The following JAM3 variants were observed in gnomAD, a reference collection of about 807,000 sequenced individuals.
JAM3 encodes the protein junctional adhesion molecule 3.
A neutral mutation model predicts 39.4 loss-of-function variants in JAM3; 31 were observed. That is an observed-to-expected ratio of 0.79 (90% CI 0.59 to 1.06). The LOEUF (loss-of-function observed/expected upper bound fraction) is 1.06, where lower values mean the gene tolerates loss of function less well. JAM3 is among the 50% of genes least tolerant of loss of function. The pLI is 0.00. For synonymous variants in JAM3, 182 were observed against 148.7 expected (o/e 1.22, Z -1.63); for missense variants, 455 against 391.4 (o/e 1.16, Z -1.37).
At chr11:134,136,510 C>A (rs893079052) in intron 1 of JAM3, among the ~76,000 whole-genome samples, 1 of 152,164 alleles carries the variant, frequency 6.6e-6, no homozygotes, top group Non-Finnish European at 1.5e-5. Context: ...AAGAAAGGAG[C>A]TCTAGAGTAT....
At position 134,146,044 on chromosome 11, in the gene JAM3, C is replaced by A; in HGVS notation, c.711C>A (p.Val237=). ...SARCEEQEME[V]YDLNIGGIIG... is the part of the protein sequence containing the mutation. ...GGTGTGAGGAGCAGGAGATGGAAGT[C>A]TGTGAGTTTCTTTTTTGAAGAGGTT... The change falls in exon 6 of 9, where the codon GTC becomes GTA. Residue 237 remains valine (V), a splice_region_variant and synonymous_variant. Coordinates refer to ENST00000299106, the MANE Select transcript of JAM3 (RefSeq NM_032801.5). 6.2e-7 allele frequency: 1 copy of A among 1,607,642 alleles called. No homozygotes were observed. Among genetic ancestry groups the A allele is most frequent in the Non-Finnish European group, 8.5e-7 (1 of 1,174,022 alleles).
chr11:134,131,423 C>A (rs577705468), intron 1 of JAM3, among the ~76,000 whole-genome samples: 11 of 151,806 alleles, frequency 7.2e-5, no homozygotes, highest in Admixed American at 2.0e-4. Context: ...TTTTAAAAAA[C>A]ACAGCAAATC....
In JAM3 at chr11:134,070,516, GC is replaced by G. The variant is rs367581608; in HGVS notation, c.76+1358del. Reference sequence around the variant, plus strand: ...TAGCGTATAGATTATGTACGCTAAGGCAAAGTCTGTATACTTTGCCTGAAAG... The same window carrying G: ...TAGCGTATAGATTATGTACGCTAAGGAAAGTCTGTATACTTTGCCTGAAAG... On this transcript the variant is annotated intron_variant, in intron 1 of 8. Transcript: ENST00000299106. Among the ~76,000 whole-genome samples, 696 of 152,310 alleles carry G rather than the reference GC, an allele frequency of 4.6e-3. 2 individuals are homozygous for G. Among genetic ancestry groups the G allele is most frequent in the South Asian group, 0.029 (142 of 4,828 alleles).
At chr11:134,089,918 C>T (rs1025140154) in intron 1 of JAM3, among the ~76,000 whole-genome samples, 22 of 152,202 alleles carry the variant, frequency 1.4e-4, no homozygotes, top group African/African-American at 5.3e-4. Context: ...AGTTTACAGT[C>T]CCACCAACAG....
chr11:134,077,906 C>G (rs932529483), intron 1 of JAM3, among the ~76,000 whole-genome samples: 5 of 151,764 alleles, frequency 3.3e-5, no homozygotes, highest in African/African-American at 1.2e-4. Context: ...CCCGCCTCGG[C>G]TTCCCAAAGT....
chr11:134,139,930 A>G lies in JAM3; in HGVS notation c.142+14A>G. ...AGGAATTTGAAAGTAAGTACAAACG[A>G]AATGCCTAGGATAATGGGCACCATC... On this transcript the variant is annotated intron_variant, in intron 2 of 8. Transcript: ENST00000299106. The G allele has an allele frequency of 6.2e-7, 1 of 1,602,792 alleles. No homozygotes were observed. The highest frequency in any genetic ancestry group is 8.5e-7 in the Non-Finnish European group (1 of 1,169,768).
At chr11:134,146,979 C>T (rs1261213135) in intron 6 of JAM3, among the ~76,000 whole-genome samples, 2 of 152,176 alleles carry the variant, frequency 1.3e-5, no homozygotes, top group African/African-American at 4.8e-5. Flanking sequence ...CATACAGATT[C>T]GAGCCCACCT....
chr11:134,087,254 A>G lies in JAM3; in HGVS notation c.76+18095A>G, dbSNP rs114366978. ...ACACTTTTTTTGCATATTAGGAAAA[A>G]GTAGGGAAGAGTATGGAAGAAAAGG... On this transcript the variant is annotated intron_variant, in intron 1 of 8. Coordinates refer to ENST00000299106, the MANE Select transcript of JAM3 (RefSeq NM_032801.5). 7.3e-3 allele frequency among the ~76,000 whole-genome samples: 1,114 copies of G among 152,170 alleles called. 9 individuals are homozygous for G. Among genetic ancestry groups the G allele is most frequent in the African/African-American group, 0.025 (1,043 of 41,436 alleles).
At chr11:134,083,635 T>A (rs1282172313) in intron 1 of JAM3, among the ~76,000 whole-genome samples, 1 of 152,118 alleles carries the variant, frequency 6.6e-6, no homozygotes. Context: ...TATTCTAATG[T>A]GTGAACAGCA....
At chr11:134,147,845 G>T (rs1310509594) in intron 6 of JAM3, 1 of 153,482 alleles carries the variant, frequency 6.5e-6, no homozygotes, top group South Asian at 2.1e-4. Context: ...GGATAAAGGA[G>T]ATTTTTTTAA....
intron 1 of JAM3, among the ~76,000 whole-genome samples, chr11:134,136,957 C>CA (rs1236626821): frequency 2.0e-5 from 3 of 151,926 alleles, no homozygotes; most frequent in Admixed American, 2.0e-4. Context: ...ACTAAAAATA[C>CA]AAAAAATTAG....
At chr11:134,117,961 G>A in intron 1 of JAM3, among the ~76,000 whole-genome samples, 1 of 152,134 alleles carries the variant, frequency 6.6e-6, no homozygotes. Flanking sequence ...GTGTAACTTT[G>A]AATTATTTTT....
Position 134,077,363 on chromosome 11 carries a change from C to CTT in JAM3, c.76+8217_76+8218dup, listed in dbSNP as rs71038557. 5.4e-4 allele frequency among the ~76,000 whole-genome samples: 77 copies of CTT among 141,794 alleles called. No homozygotes were observed. In the Middle Eastern group the frequency reaches 0.026, roughly 48 times the overall value. 93.0% of individuals were successfully genotyped at this position (141,794 alleles called of 152,430 possible). ...CTGGATATTAGTGTGTCAAGGATGC[C>CTT]TTTTTTTTTTTTTTCTTGAGACAGA... On this transcript the variant is annotated intron_variant, in intron 1 of 8. Coordinates refer to ENST00000299106, the MANE Select transcript of JAM3 (RefSeq NM_032801.5).
At chr11:134,098,137 G>A (rs1942014658) in intron 1 of JAM3, among the ~76,000 whole-genome samples, 1 of 152,108 alleles carries the variant, frequency 6.6e-6, no homozygotes, top group Admixed American at 6.6e-5. Flanking sequence ...GTGCTAAAGT[G>A]TCACCCAAGC....
At chr11:134,069,718 C>T (rs1475206985) in intron 1 of JAM3, among the ~76,000 whole-genome samples, 1 of 152,174 alleles carries the variant, frequency 6.6e-6, no homozygotes, top group African/African-American at 2.4e-5. Flanking sequence ...CAGTGCTGTG[C>T]TCTCCAGAAG....
intron 1 of JAM3, among the ~76,000 whole-genome samples, chr11:134,084,758 A>G (rs1045967098): frequency 2.0e-5 from 3 of 152,198 alleles, no homozygotes; most frequent in Admixed American, 6.5e-5. Flanking sequence ...ACCACTTACA[A>G]GGCCCTGGAT....
rs571111516 is a variant in JAM3, at chr11:134,130,920, G to A, written c.77-8931G>A. Among the ~76,000 whole-genome samples the A allele has an allele frequency of 7.2e-5, 11 of 152,292 alleles. No individual in the cohort carries two copies. The South Asian group carries it at 2.1e-3, about 29-fold the overall frequency. On this transcript the variant is annotated intron_variant, in intron 1 of 8. Coordinates refer to ENST00000299106, the MANE Select transcript of JAM3 (RefSeq NM_032801.5). The stretch of plus-strand genomic sequence containing the variant: ...GTGGGCACTGCTATTAAAAGCTACA[G>A]AGTGACTATAAACCTACAGACGCCT...
intron 1 of JAM3, 78 bp downstream of exon 1, chr11:134,069,237 C>A: frequency 6.5e-7 from 1 of 1,541,462 alleles, no homozygotes; most frequent in Non-Finnish European, 8.8e-7. Flanking sequence ...GCTGCTGGAG[C>A]CGGTCCGGGC....
intron 1 of JAM3, among the ~76,000 whole-genome samples, chr11:134,124,749 G>T (rs1476567793): frequency 6.6e-6 from 1 of 152,202 alleles, no homozygotes; most frequent in Non-Finnish European, 1.5e-5. Context: ...TCTGAGGCCG[G>T]TCGGTGTGTC....
Sources: gnomAD v4.1 joint callset for allele counts (sites outside exome capture counted in the v4.1 genomes callset) on GRCh38, gnomAD v4.1.1 for gene constraint, MANE v1.5 for transcripts, NCBI Gene and HGNC (gene_info 2026-07-23, HGNC 2026-07-21) for gene names.